Variants in CDH12 observed in about 807,000 individuals in gnomAD.
CDH12 encodes the protein cadherin-12.
CDH12 carries 41 observed loss-of-function variants against 74.1 expected under a neutral mutation model. That is an observed-to-expected ratio of 0.55 (90% CI 0.43 to 0.72). CDH12 has a LOEUF of 0.72. CDH12 is among the 30% of genes least tolerant of loss of function. The pLI is 0.00. For synonymous variants in CDH12, 399 were observed against 355.0 expected, an observed-to-expected ratio of 1.12 and a Z score of -1.39; for missense variants, 945 against 977.2, an observed-to-expected ratio of 0.97 and a Z score of 0.44.
At chr5:22,153,918 A>ACT (rs1747819582) in intron 4 of CDH12, among the ~76,000 whole-genome samples, 1 of 145,322 alleles carries the variant, frequency 6.9e-6, no homozygotes, top group African/African-American at 2.5e-5. Flanking sequence ...ACACATACAC[A>ACT]CACACACACA....
intron 4 of CDH12, among the ~76,000 whole-genome samples, chr5:22,111,769 T>C (rs1580267431): frequency 1.3e-5 from 2 of 152,202 alleles, no homozygotes; most frequent in African/African-American, 4.8e-5. Context: ...GCTTTACATC[T>C]ACCTATCATA....
chr5:22,169,645 C>T (rs1425470807), intron 4 of CDH12, among the ~76,000 whole-genome samples: 2 of 151,442 alleles, frequency 1.3e-5, no homozygotes, highest in East Asian at 3.9e-4. Flanking sequence ...GAATCTATGG[C>T]TACATTTTAT....
intron 5 of CDH12, among the ~76,000 whole-genome samples, chr5:22,040,195 C>T (rs559568414): frequency 2.6e-5 from 4 of 151,872 alleles, no homozygotes; most frequent in South Asian, 4.2e-4. Context: ...AGAGCTTCAA[C>T]AGCAGAACAG....
chr5:21,974,822 T>G (rs901881497), intron 6 of CDH12, among the ~76,000 whole-genome samples: 2 of 152,150 alleles, frequency 1.3e-5, no homozygotes, highest in Non-Finnish European at 2.9e-5. Flanking sequence ...CAAAATACAT[T>G]TTTTGCTTAA....
At chr5:22,096,268 T>C (rs1029754173) in intron 4 of CDH12, among the ~76,000 whole-genome samples, 2 of 152,150 alleles carry the variant, frequency 1.3e-5, no homozygotes, top group East Asian at 1.9e-4. Context: ...GATTTTTCCG[T>C]CCTACAAGAT....
At chr5:22,529,958 C>G (rs779140146) in intron 1 of CDH12, among the ~76,000 whole-genome samples, 1 of 152,114 alleles carries the variant, frequency 6.6e-6, no homozygotes, top group Non-Finnish European at 1.5e-5. Flanking sequence ...ACTGAGTACA[C>G]TGAGATACCT....
intron 3 of CDH12, among the ~76,000 whole-genome samples, chr5:22,241,340 T>G (rs938030636): frequency 2.0e-5 from 3 of 152,108 alleles, no homozygotes; most frequent in African/African-American, 7.2e-5. Context: ...AATTCAGATA[T>G]ATGACTACGT....
chr5:21,942,921 A>C (rs1360199778), intron 6 of CDH12, among the ~76,000 whole-genome samples: 1 of 152,192 alleles, frequency 6.6e-6, no homozygotes, highest in African/African-American at 2.4e-5. Context: ...CCCAAATCTC[A>C]TCTTGAATCG....
At chr5:21,982,071 G>A (rs938931519) in intron 5 of CDH12, among the ~76,000 whole-genome samples, 1 of 152,160 alleles carries the variant, frequency 6.6e-6, no homozygotes, top group Non-Finnish European at 1.5e-5. Flanking sequence ...TATCCTGGGT[G>A]TGCCTCTGTG....
intron 1 of CDH12, among the ~76,000 whole-genome samples, chr5:22,598,331 T>C (rs74497774): frequency 7.4e-4 from 113 of 152,296 alleles, no homozygotes; most frequent in African/African-American, 2.7e-3. Context: ...TGAAGGTGAT[T>C]GGATCATGGG....
intron 1 of CDH12, among the ~76,000 whole-genome samples, chr5:22,678,195 A>G (rs1741314046): frequency 2.6e-5 from 4 of 152,046 alleles, no homozygotes; most frequent in Admixed American, 2.6e-4. Flanking sequence ...AGAAACCGAC[A>G]TTTACTGTAA....
intron 5 of CDH12, among the ~76,000 whole-genome samples, chr5:22,072,676 A>G (rs1208446475): frequency 1.3e-5 from 2 of 151,854 alleles, no homozygotes; most frequent in Non-Finnish European, 2.9e-5. Context: ...TGCACCCATT[A>G]ACTCGTCATT....
intron 1 of CDH12, among the ~76,000 whole-genome samples, chr5:22,674,996 G>T (rs1741089719): frequency 6.6e-6 from 1 of 152,148 alleles, no homozygotes; most frequent in Non-Finnish European, 1.5e-5. Flanking sequence ...CTATAGAAAA[G>T]AAAATCCCAT....
intron 1 of CDH12, among the ~76,000 whole-genome samples, chr5:22,701,858 C>T (rs931125055): frequency 2.6e-5 from 4 of 152,142 alleles, no homozygotes; most frequent in African/African-American, 7.2e-5. Context: ...AAATGTTGTG[C>T]TTTTGTTAGA....
chr5:22,660,476 C>T (rs1049330339), intron 1 of CDH12, among the ~76,000 whole-genome samples: 4 of 152,170 alleles, frequency 2.6e-5, no homozygotes, highest in Non-Finnish European at 4.4e-5. Flanking sequence ...ATATTAGCTC[C>T]ACTACATATT....
At chr5:21,910,720 T>C (rs1424013696) in intron 6 of CDH12, among the ~76,000 whole-genome samples, 4 of 151,664 alleles carry the variant, frequency 2.6e-5, no homozygotes, top group Non-Finnish European at 5.9e-5. Flanking sequence ...AATGCTGGGA[T>C]GCTGGGCAGG....
chr5:22,202,873 A>C (rs563440682), intron 4 of CDH12, among the ~76,000 whole-genome samples: 9 of 152,332 alleles, frequency 5.9e-5, no homozygotes, highest in African/African-American at 2.2e-4. Context: ...TAGGTAAGTG[A>C]CTTTCTCTCC....
intron 5 of CDH12, among the ~76,000 whole-genome samples, chr5:22,064,984 G>T (rs551340317): frequency 2.6e-5 from 4 of 152,334 alleles, no homozygotes; most frequent in African/African-American, 9.6e-5. Context: ...TGGAAAGCTG[G>T]AATGAGCATG....
intron 4 of CDH12, among the ~76,000 whole-genome samples, chr5:22,133,746 C>G (rs774717145): frequency 6.6e-6 from 1 of 152,006 alleles, no homozygotes; most frequent in Non-Finnish European, 1.5e-5. Context: ...TACATAATTA[C>G]GTGTACATAT....
Sources: allele counts gnomAD v4.1 joint callset (sites outside exome capture counted in the v4.1 genomes callset), GRCh38; gene constraint gnomAD v4.1.1; transcripts MANE v1.5; gene names NCBI Gene and HGNC (gene_info 2026-07-23, HGNC 2026-07-21).